The following SLC44A1 variants were observed in gnomAD, a reference collection of about 807,000 sequenced individuals.
The protein encoded by SLC44A1 is solute carrier family 44 member 1, also known as choline transporter-like protein 1.
A neutral mutation model predicts 79.3 loss-of-function variants in SLC44A1; 26 were observed. The ratio of observed to expected loss-of-function variants is 0.33; its 90% CI spans 0.24 to 0.46. The LOEUF (loss-of-function observed/expected upper bound fraction) is 0.46. SLC44A1 is among the 20% of genes least tolerant of loss of function. SLC44A1 has a pLI of 1.00. For synonymous variants in SLC44A1, 263 were observed against 286.2 expected (o/e 0.92, Z 0.82); for missense variants, 688 against 798.1 (o/e 0.86, Z 1.66).
intron 15 of SLC44A1, among the ~76,000 whole-genome samples, chr9:105,423,481 AT>A (rs1181383729): frequency 1.3e-5 from 2 of 152,168 alleles, no homozygotes; most frequent in Non-Finnish European, 2.9e-5. Context: ...ATAAAATAAA[AT>A]AAAATCTCAA....
intron 1 of SLC44A1, among the ~76,000 whole-genome samples, chr9:105,256,338 T>C (rs1342026777): frequency 6.6e-6 from 1 of 152,128 alleles, no homozygotes; most frequent in Non-Finnish European, 1.5e-5. Context: ...GGTAATTTTA[T>C]TGTGAGACAG....
intron 1 of SLC44A1, among the ~76,000 whole-genome samples, chr9:105,295,840 T>A (rs1830709044): frequency 6.6e-6 from 1 of 152,204 alleles, no homozygotes; most frequent in South Asian, 2.1e-4. Flanking sequence ...CTGAGTTTCC[T>A]CATCTGTGAA....
chr9:105,365,260 A>G (rs1034115066), intron 10 of SLC44A1, among the ~76,000 whole-genome samples: 6 of 152,220 alleles, frequency 3.9e-5, no homozygotes, highest in Admixed American at 1.3e-4. Flanking sequence ...GTATTAGAGC[A>G]TCAGAACCCC....
chr9:105,371,740 A>AG (rs1828110095), intron 12 of SLC44A1, among the ~76,000 whole-genome samples: 1 of 150,378 alleles, frequency 6.6e-6, no homozygotes, highest in Admixed American at 6.6e-5. Context: ...AAAAAAAAAA[A>AG]AGTAATTGGC....
At chr9:105,245,006 C>T (rs1321466185) in intron 1 of SLC44A1, 102 bp downstream of exon 1, 3 of 425,116 alleles carry the variant, frequency 7.1e-6, no homozygotes, top group South Asian at 1.0e-4. Context: ...TCCCCAGCCT[C>T]CCCTGAGCGC....
At chr9:105,408,153 C>CA (rs1664569075) in intron 15 of SLC44A1, among the ~76,000 whole-genome samples, 1 of 151,924 alleles carries the variant, frequency 6.6e-6, no homozygotes, top group Non-Finnish European at 1.5e-5. Flanking sequence ...GATTCCGTCT[C>CA]AAAAAATAAA....
At chr9:105,311,681 G>A (rs1831184390) in intron 3 of SLC44A1, among the ~76,000 whole-genome samples, 1 of 152,148 alleles carries the variant, frequency 6.6e-6, no homozygotes, top group South Asian at 2.1e-4. Context: ...CCCAGGTGTA[G>A]CTGTTCCTTA....
In SLC44A1 at chr9:105,365,661, G is replaced by A. The variant is rs377682751; in HGVS notation, c.1410+22G>A. ...AAAGGTAAGGGGAAAATGCATTTCT[G>A]TACTTTCTGTGGGCACATTCCAGAC... is the stretch of plus-strand genomic sequence containing the variant. On this transcript the variant is annotated intron_variant, in intron 11 of 15. Transcript: ENST00000374720. 116 of 1,606,140 alleles carry A rather than the reference G, an allele frequency of 7.2e-5. No individual in the cohort carries two copies. In the African/African-American group the frequency reaches 1.3e-3, roughly 18 times the overall value.
intron 15 of SLC44A1, among the ~76,000 whole-genome samples, chr9:105,422,270 C>A (rs1829262456): frequency 6.7e-6 from 1 of 150,350 alleles, no homozygotes; most frequent in Non-Finnish European, 1.5e-5. Flanking sequence ...CCTTGGGCCT[C>A]CTGCTCCATC....
At position 105,394,915 on chromosome 9, in the gene SLC44A1, A is replaced by T; in HGVS notation, c.*5859A>T. The T allele has an allele frequency of 1.0e-6, 1 of 985,086 alleles. No individual in the cohort carries two copies. The highest frequency in any genetic ancestry group is 4.7e-5 in the South Asian group (1 of 21,268). The allele number at this position is 985,086 out of a possible 1,614,324, so 61.0% of individuals were successfully genotyped here. A position where few individuals can be genotyped will look rare whatever the true frequency, so the allele number is the denominator to read the frequency against. ...GAACTCCACCCCCAGTCCCTTACCTACTCTATCTTCTTTAGGGAAGCATGT... is the reference window on the plus strand; with the variant it reads ...GAACTCCACCCCCAGTCCCTTACCTTCTCTATCTTCTTTAGGGAAGCATGT... On this transcript the variant is annotated 3_prime_UTR_variant, in exon 16 of 16. Coordinates refer to ENST00000374720, the MANE Select transcript of SLC44A1 (RefSeq NM_080546.5).
rs1288204141 is a variant in SLC44A1, at chr9:105,389,120, T to C, written c.*64T>C. On this transcript the variant is annotated 3_prime_UTR_variant, in exon 16 of 16. Transcript: ENST00000374720. ...AACAATATATACACATAACTATGTA[T>C]TTGTGTGTGTGGGTGTGTGTATATA... 2 of 1,594,588 alleles carry C rather than the reference T, an allele frequency of 1.3e-6. No homozygotes were observed. Among genetic ancestry groups the C allele is most frequent in the Non-Finnish European group, 1.7e-6 (2 of 1,164,180 alleles).
At chr9:105,382,435 G>C (rs1828495795) in intron 13 of SLC44A1, among the ~76,000 whole-genome samples, 1 of 152,062 alleles carries the variant, frequency 6.6e-6, no homozygotes, top group Admixed American at 6.5e-5. Flanking sequence ...TTCACAGAGA[G>C]TCCAAATATA....
intron 1 of SLC44A1, among the ~76,000 whole-genome samples, chr9:105,296,049 G>A (rs1424528589): frequency 6.6e-6 from 1 of 152,146 alleles, no homozygotes; most frequent in Non-Finnish European, 1.5e-5. Context: ...ATCCTTTTTA[G>A]TGGGAAGGTC....
chr9:105,404,233 CAAAAAAA>C (rs71489339), intron 15 of SLC44A1, among the ~76,000 whole-genome samples: 5 of 44,452 alleles, frequency 1.1e-4, no homozygotes, highest in South Asian at 9.3e-4. Context: ...GGACTCATCT[CAAAAAAA>C]AAAAAAAAAA....
intron 2 of SLC44A1, among the ~76,000 whole-genome samples, chr9:105,306,041 C>T (rs191810145): frequency 1.1e-3 from 172 of 152,254 alleles, no homozygotes; most frequent in African/African-American, 3.9e-3. Context: ...TGTATGCCTT[C>T]ATCTGATTTA....
At chr9:105,252,268 T>A (rs760011304) in intron 1 of SLC44A1, among the ~76,000 whole-genome samples, 1 of 152,118 alleles carries the variant, frequency 6.6e-6, no homozygotes, top group Non-Finnish European at 1.5e-5. Flanking sequence ...CTAGGCTGAG[T>A]TGATGAAGAG....
At chr9:105,374,148 AAGGAGGAGATAGTGGAT>A (rs1564465879) in intron 12 of SLC44A1, among the ~76,000 whole-genome samples, 1 of 152,218 alleles carries the variant, frequency 6.6e-6, no homozygotes, top group Non-Finnish European at 1.5e-5. Flanking sequence ...GAAAGCCACC[AAGGAGGAGATAGTGGAT>A]AGTCCAGATA....
chr9:105,290,114 C>G (rs1470857065), intron 1 of SLC44A1, among the ~76,000 whole-genome samples: 1 of 152,106 alleles, frequency 6.6e-6, no homozygotes, highest in African/African-American at 2.4e-5. Context: ...CCGCACCTGG[C>G]CTGTAAGTCA....
intron 15 of SLC44A1, among the ~76,000 whole-genome samples, chr9:105,414,584 TAGC>T (rs1215382620): frequency 6.6e-6 from 1 of 152,218 alleles, no homozygotes; most frequent in Non-Finnish European, 1.5e-5. Context: ...CCGTAAAACA[TAGC>T]AGCATTTTAA....
Sources: allele counts gnomAD v4.1 joint callset (sites outside exome capture counted in the v4.1 genomes callset), GRCh38; gene constraint gnomAD v4.1.1; transcripts MANE v1.5; gene names NCBI Gene and HGNC (gene_info 2026-07-23, HGNC 2026-07-21).